The following NUP98 variants were observed in gnomAD, a reference collection of about 807,000 sequenced individuals.
NUP98 encodes nuclear pore complex protein Nup98-Nup96.
Under a neutral mutation model 191.9 loss-of-function variants are expected in NUP98, and 26 were observed. The ratio of observed to expected loss-of-function variants is 0.14; its 90% CI spans 0.10 to 0.19. NUP98 has a LOEUF of 0.19. Ranked by LOEUF, NUP98 falls within the 10% of genes least tolerant of loss-of-function variation. The pLI is 1.00. For synonymous variants in NUP98, 808 were observed against 778.4 expected (o/e 1.04, Z -0.63); for missense variants, 1,941 against 2,178.8 (o/e 0.89, Z 2.17).
At chr11:3,764,821 G>A (rs2081285221) in intron 8 of NUP98, among the ~76,000 whole-genome samples, 1 of 152,154 alleles carries the variant, frequency 6.6e-6, no homozygotes, top group Admixed American at 6.6e-5. Context: ...CTCGTGATCT[G>A]CCTGCCTCGG....
intron 12 of NUP98, among the ~76,000 whole-genome samples, chr11:3,735,626 T>C (rs1203900980): frequency 6.6e-6 from 1 of 152,116 alleles, no homozygotes; most frequent in Non-Finnish European, 1.5e-5. Context: ...ACAACCCTGA[T>C]GAAATATTTT....
At chr11:3,704,932 C>G (rs1286034047) in intron 22 of NUP98, among the ~76,000 whole-genome samples, 1 of 152,194 alleles carries the variant, frequency 6.6e-6, no homozygotes, top group East Asian at 1.9e-4. Context: ...CTGCTTGAGC[C>G]CAAGAGTTCA....
intron 11 of NUP98, among the ~76,000 whole-genome samples, chr11:3,752,499 A>G (rs1240164364): frequency 6.6e-6 from 1 of 151,668 alleles, no homozygotes; most frequent in African/African-American, 2.4e-5. Context: ...CCTGAACGAC[A>G]GAGTGAGACT....
intron 1 of NUP98, among the ~76,000 whole-genome samples, chr11:3,789,996 G>C (rs2082280383): frequency 6.6e-6 from 1 of 152,126 alleles, no homozygotes; most frequent in South Asian, 2.1e-4. Flanking sequence ...AGTTGGCCAG[G>C]ATGGTCTCGA....
intron 5 of NUP98, 109 bp from the exon 6 acceptor site, chr11:3,773,848 T>C (rs986199697): frequency 3.3e-6 from 2 of 609,396 alleles, no homozygotes; most frequent in South Asian, 4.2e-5. Context: ...CCAGGTCTTT[T>C]ATACTGAGAT....
At chr11:3,736,925 A>G (rs932339180) in intron 12 of NUP98, among the ~76,000 whole-genome samples, 1 of 152,228 alleles carries the variant, frequency 6.6e-6, no homozygotes, top group Non-Finnish European at 1.5e-5. Context: ...AGAAAAAAGA[A>G]ATCACTAAGC....
chr11:3,691,423 C>T lies in NUP98; in HGVS notation c.4378G>A (p.Val1460Met), dbSNP rs752918432. The T allele has an allele frequency of 6.2e-7, 1 of 1,614,202 alleles. No homozygotes were observed. ...TGTGAGTTTTGCTCCTCCGCTATCACACAGCCAGAACCCTCCAGATACGAA... is the reference window on the plus strand; with the variant it reads ...TGTGAGTTTTGCTCCTCCGCTATCATACAGCCAGAACCCTCCAGATACGAA... ...LPSYLEGSGC[V>M]IAEEQNSQTP... Residue 1460 changes from valine to methionine, a missense_variant, in exon 28 of 33, where the codon GTG becomes ATG. Physicochemically the swap from Val to Met is conservative, Grantham distance 21. Transcript: ENST00000324932.
At position 3,731,496 on chromosome 11, in the gene NUP98, C is replaced by T. The variant is rs2079851311; in HGVS notation, c.1625G>A (p.Arg542Lys). ...HYKLTPRPAT[R>K]VRPKALQTTG... ...TGTTTGTAAAGCCTTTGGCCGGACT[C>T]TAGTGGCAGGGCGGGGTGTCAGTTT... Residue 542 changes from arginine (R) to lysine (K), a missense_variant, in exon 14 of 33, where the codon AGA becomes AAA. Around this residue, in one of 6 missense-constraint regions of NUP98, gnomAD observed 453 missense variants for 438.2 expected, o/e 1.03. Coordinates refer to ENST00000324932, the MANE Select transcript of NUP98 (RefSeq NM_016320.5). The T allele has an allele frequency of 4.3e-6, 7 of 1,609,232 alleles. No homozygotes were observed. The highest frequency in any genetic ancestry group is 5.9e-6 in the Non-Finnish European group (7 of 1,177,552).
At chr11:3,765,395 T>G (rs2081303877) in intron 8 of NUP98, among the ~76,000 whole-genome samples, 1 of 152,232 alleles carries the variant, frequency 6.6e-6, no homozygotes, top group Admixed American at 6.5e-5. Context: ...AAAGCCCAAC[T>G]TATCTATTTT....
chr11:3,731,598 A>G lies in NUP98; in HGVS notation c.1543-20T>C. On this transcript the variant is annotated intron_variant, in intron 13 of 32. Transcript: ENST00000324932. Reference sequence around the variant, plus strand: ...CAATCTCTGAAAAACAAAAGCATCAAGGAAATTTTTGGTTTACTTTAAATG... The same window carrying G: ...CAATCTCTGAAAAACAAAAGCATCAGGGAAATTTTTGGTTTACTTTAAATG... 1 of 1,504,554 alleles carries G rather than the reference A, an allele frequency of 6.6e-7. No individual in the cohort carries two copies. The highest frequency in any genetic ancestry group is 8.9e-7 in the Non-Finnish European group (1 of 1,122,662). 93.2% of individuals were successfully genotyped at this position (1,504,554 alleles called of 1,614,324 possible).
At chr11:3,775,786 G>A in intron 5 of NUP98, 96 bp downstream of exon 5, 1 of 1,215,482 alleles carries the variant, frequency 8.2e-7, no homozygotes, top group Non-Finnish European at 1.2e-6. Context: ...GCAGTGTCAA[G>A]CTAAGCTGGA....
chr11:3,758,706 A>G (rs982084027), intron 10 of NUP98, among the ~76,000 whole-genome samples: 1 of 152,078 alleles, frequency 6.6e-6, no homozygotes, highest in African/African-American at 2.4e-5. Flanking sequence ...AATCACTCCA[A>G]CCAGGGAGGT....
intron 9 of NUP98, among the ~76,000 whole-genome samples, chr11:3,761,267 T>C (rs997098549): frequency 3.2e-4 from 49 of 152,184 alleles, no homozygotes; most frequent in Admixed American, 2.9e-3. Context: ...AAAAATCACC[T>C]AGCTATACAC....
intron 1 of NUP98, among the ~76,000 whole-genome samples, chr11:3,792,707 T>C (rs1564941060): frequency 1.3e-5 from 2 of 152,180 alleles, no homozygotes; most frequent in Admixed American, 1.3e-4. Flanking sequence ...CATCATGTTA[T>C]AAAATCACAG....
chr11:3,753,922 G>C (rs2080862962), intron 10 of NUP98, among the ~76,000 whole-genome samples: 1 of 151,048 alleles, frequency 6.6e-6, no homozygotes, highest in South Asian at 2.1e-4. Context: ...CTGGGCAACA[G>C]AGCAGGACTC....
chr11:3,775,263 C>T (rs2081673315), intron 5 of NUP98, among the ~76,000 whole-genome samples: 1 of 152,186 alleles, frequency 6.6e-6, no homozygotes, highest in Admixed American at 6.5e-5. Flanking sequence ...GGCATGGTGG[C>T]TCATGCCTGT....
chr11:3,777,577 C>A (rs1034778828), intron 4 of NUP98, among the ~76,000 whole-genome samples: 2 of 146,032 alleles, frequency 1.4e-5, no homozygotes, highest in African/African-American at 5.1e-5. Flanking sequence ...GCAGAGATTG[C>A]GCCACTGCAC....
chr11:3,733,949 A>G (rs1303399512), intron 13 of NUP98, among the ~76,000 whole-genome samples: 1 of 152,200 alleles, frequency 6.6e-6, no homozygotes, highest in Non-Finnish European at 1.5e-5. Context: ...TCATTTACAC[A>G]TCACTTTAAA....
intron 13 of NUP98, among the ~76,000 whole-genome samples, chr11:3,734,833 G>A (rs2079983302): frequency 1.3e-5 from 2 of 152,160 alleles, no homozygotes; most frequent in Middle Eastern, 3.2e-3. Context: ...TTGGGAGACC[G>A]AGGCGGGAGG....
Sources: gnomAD v4.1 joint callset for allele counts (sites outside exome capture counted in the v4.1 genomes callset) on GRCh38, gnomAD v4.1.1 for gene constraint, gnomAD v4.1.1 regional missense constraint, MANE v1.5 for transcripts, NCBI Gene and HGNC (gene_info 2026-07-23, HGNC 2026-07-21) for gene names.